CDC42BPA: variants seen among roughly 807,000 people sequenced by gnomAD.
CDC42BPA encodes the protein CDC42 binding protein kinase alpha.
CDC42BPA carries 80 observed loss-of-function variants against 223.5 expected under a neutral mutation model. The observed-to-expected ratio is 0.36, with a 90% CI of 0.30 to 0.43. CDC42BPA has a LOEUF of 0.43. Ranked by LOEUF, CDC42BPA falls within the 20% of genes least tolerant of loss-of-function variation. The probability of loss-of-function intolerance (pLI) is 1.00; values close to 1 mark genes in which losing one functional copy is unlikely to be tolerated. For synonymous variants in CDC42BPA, 694 were observed against 718.6 expected, an observed-to-expected ratio of 0.97 and a Z score of 0.55; for missense variants, 1,743 against 2,099.9, an observed-to-expected ratio of 0.83 and a Z score of 3.32.
At chr1:227,214,283 G>T (rs892123026) in intron 2 of CDC42BPA, among the ~76,000 whole-genome samples, 12 of 151,816 alleles carry the variant, frequency 7.9e-5, no homozygotes, top group Non-Finnish European at 1.5e-4. Context: ...GGATCAGACT[G>T]CAATAAAAGT....
chr1:227,207,480 G>A (rs1672991267), intron 3 of CDC42BPA, among the ~76,000 whole-genome samples: 1 of 143,262 alleles, frequency 7.0e-6, no homozygotes, highest in South Asian at 2.3e-4. Flanking sequence ...TCGTCATCTA[G>A]CATTAGGTAT....
chr1:227,290,356 TTC>T (rs1329317495), intron 1 of CDC42BPA, among the ~76,000 whole-genome samples: 1 of 152,226 alleles, frequency 6.6e-6, no homozygotes, highest in Non-Finnish European at 1.5e-5. Flanking sequence ...TTACATTTAA[TTC>T]TGTTTAATTC....
intron 24 of CDC42BPA, among the ~76,000 whole-genome samples, chr1:227,039,765 G>A (rs1419673329): frequency 6.6e-6 from 1 of 151,768 alleles, no homozygotes; most frequent in Non-Finnish European, 1.5e-5. Flanking sequence ...TTCAGACATA[G>A]TGGCAGACAT....
Position 226,994,774 on chromosome 1 carries a change from T to A in CDC42BPA, c.5133+49A>T, listed in dbSNP as rs73087656. ...AAGGTGGTGGGATTGCCTGGGAAGA[T>A]GCCCTAGTCTTTCTGATACATGACG... On this transcript the variant is annotated intron_variant, in intron 36 of 36. Transcript: ENST00000366766. The surrounding 1 kb of genome is among the most constrained non-coding windows in gnomAD (Gnocchi z 4.0). 2,795 of 1,533,830 alleles carry A rather than the reference T, an allele frequency of 1.8e-3. 45 individuals are homozygous for A. The African/African-American group carries it at 0.033, about 18-fold the overall frequency.
intron 5 of CDC42BPA, among the ~76,000 whole-genome samples, chr1:227,167,806 A>G (rs1013978943): frequency 6.6e-6 from 1 of 152,234 alleles, no homozygotes; most frequent in Admixed American, 6.5e-5. Context: ...GACATTTACA[A>G]TTTTAAGTGC....
chr1:227,137,586 T>C (rs1658837151), intron 10 of CDC42BPA, among the ~76,000 whole-genome samples: 1 of 151,426 alleles, frequency 6.6e-6, no homozygotes, highest in African/African-American at 2.4e-5. Flanking sequence ...TTACTCACAG[T>C]AGTCAACATC....
At chr1:227,231,309 G>T (rs972105771) in intron 2 of CDC42BPA, among the ~76,000 whole-genome samples, 1 of 152,044 alleles carries the variant, frequency 6.6e-6, no homozygotes, top group Admixed American at 6.5e-5. Context: ...CAAAGGACAT[G>T]AACTCATCCT....
intron 2 of CDC42BPA, among the ~76,000 whole-genome samples, chr1:227,223,407 T>G (rs1676283491): frequency 6.6e-6 from 1 of 152,156 alleles, no homozygotes; most frequent in Non-Finnish European, 1.5e-5. Flanking sequence ...AACTAGAACC[T>G]TAAAAATACA....
At chr1:227,190,430 A>C (rs1350440139) in intron 5 of CDC42BPA, among the ~76,000 whole-genome samples, 1 of 152,226 alleles carries the variant, frequency 6.6e-6, no homozygotes, top group Non-Finnish European at 1.5e-5. Flanking sequence ...CAAAGAGTTA[A>C]ATAAGGATTA....
At chr1:227,004,711 A>G in intron 35 of CDC42BPA, 1 of 467,336 alleles carries the variant, frequency 2.1e-6, no homozygotes, top group South Asian at 2.2e-5. Flanking sequence ...TTCTCTATTA[A>G]TGTATGCTGT....
chr1:227,086,307 T>G (rs1200373119), intron 16 of CDC42BPA, among the ~76,000 whole-genome samples: 4 of 152,226 alleles, frequency 2.6e-5, no homozygotes, highest in Admixed American at 2.6e-4. Flanking sequence ...ATGTAAGTCT[T>G]AAGGGGACTA....
At chr1:227,282,624 T>C (rs1688188708) in intron 1 of CDC42BPA, among the ~76,000 whole-genome samples, 1 of 152,242 alleles carries the variant, frequency 6.6e-6, no homozygotes, top group Non-Finnish European at 1.5e-5. Context: ...ACAGTAATAC[T>C]GTTTGCTTAG....
intron 1 of CDC42BPA, among the ~76,000 whole-genome samples, chr1:227,285,545 T>C (rs1296245353): frequency 6.6e-6 from 1 of 152,188 alleles, no homozygotes; most frequent in Admixed American, 6.5e-5. Context: ...AGCCAGGTAA[T>C]GGCGTCCCAT....
rs1405169148 is a variant in CDC42BPA at position 226,992,796 on chromosome 1, A to G, written c.*1472T>C. On this transcript the variant is annotated 3_prime_UTR_variant, in exon 37 of 37. Coordinates refer to ENST00000366766, the MANE Select transcript of CDC42BPA (RefSeq NM_001394014.1). Reference sequence around the variant, plus strand: ...TAACTGGTGAAATGATTCTGTAGAAATAGATCCTTCTGATTCTGCATCTCA... The same window carrying G: ...TAACTGGTGAAATGATTCTGTAGAAGTAGATCCTTCTGATTCTGCATCTCA... 6.6e-6 allele frequency: 1 copy of G among 152,234 alleles called. No individual in the cohort carries two copies. Among genetic ancestry groups the G allele is most frequent in the Non-Finnish European group, 1.5e-5 (1 of 68,050 alleles). The allele number at this position is 152,234 out of a possible 1,614,324, so 9.4% of individuals were successfully genotyped here.
chr1:227,162,436 T>A (rs925732106), intron 5 of CDC42BPA, among the ~76,000 whole-genome samples: 12 of 152,204 alleles, frequency 7.9e-5, no homozygotes, highest in African/African-American at 2.9e-4. Context: ...TATGCCTATA[T>A]ACAACATCAT....
At position 227,048,009 on chromosome 1, in the gene CDC42BPA, G is replaced by A. The variant is rs1340894914; in HGVS notation, c.3011C>T (p.Thr1004Ile). 6.3e-7 allele frequency: 1 copy of A among 1,594,524 alleles called. No individual in the cohort carries two copies. Among genetic ancestry groups the A allele is most frequent in the Non-Finnish European group, 8.6e-7 (1 of 1,166,476 alleles). ...STSSEAEPVK[T>I]VDSTPLSVHT... ...AACTGAAAGTGGAGTGGAGTCTACA[G>A]TCTGAACCCAGGAGCAAAAAAGGAA... Residue 1004 changes from threonine (T) to isoleucine (I), a missense_variant and splice_region_variant, in exon 23 of 37, where the codon ACT becomes ATT. Transcript: ENST00000366766.
At chr1:227,144,579 A>G (rs1571951715) in intron 8 of CDC42BPA, among the ~76,000 whole-genome samples, 1 of 46,196 alleles carries the variant, frequency 2.2e-5, no homozygotes, top group South Asian at 1.1e-3. Flanking sequence ...TGTCTCAAAA[A>G]AAAAAAAAAA....
At chr1:227,313,510 G>T (rs1693863627) in intron 1 of CDC42BPA, among the ~76,000 whole-genome samples, 1 of 152,066 alleles carries the variant, frequency 6.6e-6, no homozygotes, top group Non-Finnish European at 1.5e-5. Context: ...TCCTAGAATA[G>T]AATATTAGGT....
chr1:227,317,526 A>C lies in CDC42BPA; in HGVS notation c.-344T>G, dbSNP rs78080468. 7.6e-6 allele frequency: 3 copies of C among 393,770 alleles called. No individual in the cohort carries two copies. Among genetic ancestry groups the C allele is most frequent in the South Asian group, 2.6e-4 (2 of 7,686 alleles). The allele number at this position is 393,770 out of a possible 1,614,324, so 24.4% of individuals were successfully genotyped here. On this transcript the variant is annotated 5_prime_UTR_variant, in exon 1 of 37. Transcript: ENST00000366766. ...AACACTTCTTTAAAAAAAAAAAAAA[A>C]AACTCTTCTCCTTCATTCAAAATTC...
Sources: allele counts gnomAD v4.1 joint callset (sites outside exome capture counted in the v4.1 genomes callset), GRCh38; gene constraint gnomAD v4.1.1; non-coding constraint Gnocchi (gnomAD v3.1); transcripts MANE v1.5; gene names NCBI Gene and HGNC (gene_info 2026-07-23, HGNC 2026-07-21).